SMIM31: variants seen among roughly 807,000 people sequenced by gnomAD.
SMIM31 encodes the protein small integral membrane protein 31, also known as human epithelial cell program regulator.
chr4:164,776,051 A>C (rs1333675695), intron 2 of SMIM31, among the ~76,000 whole-genome samples: 1 of 152,158 alleles, frequency 6.6e-6, no homozygotes, highest in African/African-American at 2.4e-5. Context: ...ATAAAATGAA[A>C]ATTTCCAAGG....
chr4:164,758,749 T>C (rs1325962874), intron 1 of SMIM31, among the ~76,000 whole-genome samples: 10 of 137,552 alleles, frequency 7.3e-5, no homozygotes, highest in Non-Finnish European at 1.2e-4. Context: ...TTCTCCTGCC[T>C]CAGCCTCCAG....
Position 164,770,425 on chromosome 4 carries a change from A to T in SMIM31, c.-19A>T. 3 of 398,806 alleles carry T rather than the reference A, an allele frequency of 7.5e-6. No individual in the cohort carries two copies. The allele number at this position is 398,806 out of a possible 1,614,324, so 24.7% of individuals were successfully genotyped here. ...TGTTTTATTCCTATTGTAGGTGAAG[A>T]AGTTTTCGGTGGTGGTTCATGGAGC... On this transcript the variant is annotated 5_prime_UTR_variant, in exon 2 of 3. An upstream open reading frame in the 5' UTR gains an earlier in-frame stop. Transcript: ENST00000507311.
intron 2 of SMIM31, among the ~76,000 whole-genome samples, chr4:164,771,267 T>C (rs1732798297): frequency 6.6e-6 from 1 of 152,184 alleles, no homozygotes; most frequent in African/African-American, 2.4e-5. Context: ...CGAAACATAA[T>C]TGGAATCCAT....
intron 2 of SMIM31, among the ~76,000 whole-genome samples, chr4:164,782,791 A>G (rs1465354092): frequency 6.6e-6 from 1 of 152,178 alleles, no homozygotes; most frequent in Admixed American, 6.5e-5. Context: ...AGGTTTAACT[A>G]AAGTTCTCTG....
At chr4:164,783,548 AG>A (rs199997190) in intron 2 of SMIM31, among the ~76,000 whole-genome samples, 3,876 of 140,796 alleles carry the variant, frequency 0.028, 98 homozygotes, top group African/African-American at 0.069. Flanking sequence ...AAAAAAAAAA[AG>A]GAATTTCCAT....
At chr4:164,797,624 C>T (rs13132145) in intron 2 of SMIM31, among the ~76,000 whole-genome samples, 27,666 of 151,784 alleles carry the variant, frequency 0.18, 2,739 homozygotes, top group South Asian at 0.27. Context: ...CCACCATGCC[C>T]GGCCAATTTT....
chr4:164,775,030 C>G (rs1732861721), intron 2 of SMIM31, among the ~76,000 whole-genome samples: 1 of 152,182 alleles, frequency 6.6e-6, no homozygotes. Flanking sequence ...TCTTTTCTTT[C>G]TTTAAATCCA....
At chr4:164,782,182 G>C (rs79763562) in intron 2 of SMIM31, among the ~76,000 whole-genome samples, 11,588 of 151,370 alleles carry the variant, frequency 0.077, 1,229 homozygotes, top group African/African-American at 0.24. Context: ...CCCAGCTGCT[G>C]GGGAGGCTGA....
intron 1 of SMIM31, among the ~76,000 whole-genome samples, chr4:164,760,327 AC>A (rs1732629292): frequency 6.6e-6 from 1 of 152,114 alleles, no homozygotes; most frequent in African/African-American, 2.4e-5. Flanking sequence ...GCAAAGGGAG[AC>A]ATTGAGAGAT....
intron 2 of SMIM31, among the ~76,000 whole-genome samples, chr4:164,773,959 G>A (rs1422691062): frequency 1.3e-5 from 2 of 152,236 alleles, no homozygotes; most frequent in South Asian, 2.1e-4. Context: ...AAGGTCAGGA[G>A]ATCGAGACCA....
intron 1 of SMIM31, among the ~76,000 whole-genome samples, chr4:164,765,864 AT>A (rs1394683367): frequency 6.6e-6 from 1 of 152,086 alleles, no homozygotes; most frequent in African/African-American, 2.4e-5. Context: ...TAAGCCCTTT[AT>A]TTTTACTCTG....
chr4:164,781,129 TACACACACACACAC>T (rs138037586), intron 2 of SMIM31, among the ~76,000 whole-genome samples: 11,801 of 144,514 alleles, frequency 0.082, 608 homozygotes, highest in Non-Finnish European at 0.11. Flanking sequence ...TACATTTACA[TACACACACACACAC>T]ACACACACAC....
intron 2 of SMIM31, among the ~76,000 whole-genome samples, chr4:164,779,941 G>A (rs536859836): frequency 1.3e-5 from 2 of 152,082 alleles, no homozygotes; most frequent in Non-Finnish European, 2.9e-5. Context: ...GCCAGTAGAC[G>A]GCAATGTTTG....
intron 1 of SMIM31, among the ~76,000 whole-genome samples, chr4:164,767,306 A>C (rs531437705): frequency 4.6e-5 from 7 of 152,322 alleles, no homozygotes; most frequent in Admixed American, 2.0e-4. Flanking sequence ...TATCAAGGTA[A>C]CCAGGCTTTA....
chr4:164,776,820 A>G (rs1238149676), intron 2 of SMIM31, among the ~76,000 whole-genome samples: 1 of 152,196 alleles, frequency 6.6e-6, no homozygotes. Context: ...CATGAGCATT[A>G]TACATCATCT....
intron 2 of SMIM31, among the ~76,000 whole-genome samples, chr4:164,785,650 GTA>G (rs978731858): frequency 2.2e-3 from 213 of 97,454 alleles, no homozygotes; most frequent in South Asian, 5.5e-3. Context: ...GTGTGTGTGT[GTA>G]TATATATATA....
chr4:164,782,763 T>C (rs1434749648), intron 2 of SMIM31, among the ~76,000 whole-genome samples: 2 of 152,040 alleles, frequency 1.3e-5, no homozygotes, highest in Non-Finnish European at 2.9e-5. Flanking sequence ...GATGATAAAA[T>C]ATGTAAACAG....
At chr4:164,764,797 G>A (rs1732698659) in intron 1 of SMIM31, among the ~76,000 whole-genome samples, 1 of 152,098 alleles carries the variant, frequency 6.6e-6, no homozygotes, top group Admixed American at 6.5e-5. Flanking sequence ...CAAATTCCTG[G>A]TCTTCAAATA....
At chr4:164,771,032 A>G (rs1037150601) in intron 2 of SMIM31, among the ~76,000 whole-genome samples, 4 of 152,232 alleles carry the variant, frequency 2.6e-5, no homozygotes, top group Non-Finnish European at 4.4e-5. Context: ...TAAATATACA[A>G]TTAGGAAATT....
Sources: gnomAD v4.1 joint callset for allele counts (sites outside exome capture counted in the v4.1 genomes callset) on GRCh38, gnomAD v4.1.1 for gene constraint, MANE v1.5 for transcripts, NCBI Gene and HGNC (gene_info 2026-07-23, HGNC 2026-07-21) for gene names.